SMC5: variants seen among roughly 807,000 people sequenced by gnomAD.
The protein encoded by SMC5 is structural maintenance of chromosomes protein 5.
In SMC5, 88 loss-of-function variants were observed where a neutral mutation model predicts 148.3. The ratio of observed to expected loss-of-function variants is 0.59; its 90% CI spans 0.50 to 0.71. SMC5 has a LOEUF of 0.71. Among genes scored for constraint, SMC5 ranks in the 30% least tolerant of loss-of-function variants. The probability of loss-of-function intolerance (pLI) is 0.00; values close to 1 mark genes in which losing one functional copy is unlikely to be tolerated. For missense variants in SMC5, 1,142 were observed against 1,298.9 expected (o/e 0.88, Z 1.86); for synonymous variants, 421 against 432.8 (o/e 0.97, Z 0.34).
intron 18 of SMC5, among the ~76,000 whole-genome samples, chr9:70,345,196 A>G (rs1224083073): frequency 6.6e-6 from 1 of 152,112 alleles, no homozygotes; most frequent in Non-Finnish European, 1.5e-5. Context: ...TTTCAGAAAA[A>G]GCATGATTCT....
intron 17 of SMC5, among the ~76,000 whole-genome samples, chr9:70,337,563 C>G (rs1239853261): frequency 2.7e-5 from 4 of 148,862 alleles, no homozygotes; most frequent in Middle Eastern, 3.3e-3. Flanking sequence ...TCAAGTGATT[C>G]TCCTGCCTCA....
chr9:70,278,736 T>C (rs2034666522), intron 5 of SMC5, 111 bp downstream of exon 5: 1 of 1,074,944 alleles, frequency 9.3e-7, no homozygotes, highest in Non-Finnish European at 1.3e-6. Context: ...TATTTGTGAT[T>C]TTTTTTCACT....
At chr9:70,298,331 C>T in intron 9 of SMC5, 110 bp downstream of exon 9, 1 of 1,187,362 alleles carries the variant, frequency 8.4e-7, no homozygotes. Context: ...AAGTTGCCTT[C>T]TTGAGGAAGC....
chr9:70,261,812 A>G (rs2034144931), intron 1 of SMC5, among the ~76,000 whole-genome samples: 1 of 152,244 alleles, frequency 6.6e-6, no homozygotes, highest in Non-Finnish European at 1.5e-5. Context: ...GGGAGGTAAG[A>G]TGAAAACAGT....
At chr9:70,352,137 A>G in intron 24 of SMC5, 54 bp from the exon 25 acceptor site, 1 of 1,465,380 alleles carries the variant, frequency 6.8e-7, no homozygotes, top group Non-Finnish European at 9.3e-7. Flanking sequence ...TAAGGTTGGA[A>G]AACTATACTT....
chr9:70,295,251 G>C (rs2035166391), intron 8 of SMC5, among the ~76,000 whole-genome samples: 1 of 151,794 alleles, frequency 6.6e-6, no homozygotes, highest in Non-Finnish European at 1.5e-5. Flanking sequence ...GGATCACGAG[G>C]TCAGGAGATC....
chr9:70,319,582 T>A (rs533363326), intron 15 of SMC5, among the ~76,000 whole-genome samples: 1 of 152,280 alleles, frequency 6.6e-6, no homozygotes, highest in East Asian at 1.9e-4. Context: ...TTTTAGACTT[T>A]TCAGGTAATT....
chr9:70,352,404 A>G lies in SMC5; in HGVS notation c.*73A>G. 4 of 1,403,678 alleles carry G rather than the reference A, an allele frequency of 2.8e-6. No individual in the cohort carries two copies. The highest frequency in any genetic ancestry group is 3.8e-6 in the Non-Finnish European group (4 of 1,043,800). 87.0% of individuals were successfully genotyped at this position (1,403,678 alleles called of 1,614,324 possible). ...TTATAAGTATGGCTCAACTGAATAA[A>G]AGGAGATTCACTAAAACGAAAAGCA... is the stretch of plus-strand genomic sequence containing the variant. On this transcript the variant is annotated 3_prime_UTR_variant, in exon 25 of 25. Transcript: ENST00000361138.
rs948731020 is a variant in SMC5 at position 70,354,642 on chromosome 9, C to G, written c.*2311C>G. ...CAAGCATTTTCTATGCCTAAATCTT[C>G]ATTGGTTTGCCTGGAAAGAGTCTCT... On this transcript the variant is annotated 3_prime_UTR_variant, in exon 25 of 25. Transcript: ENST00000361138. 1.3e-5 allele frequency: 2 copies of G among 152,188 alleles called. No individual in the cohort carries two copies. Among genetic ancestry groups the G allele is most frequent in the African/African-American group, 4.8e-5 (2 of 41,438 alleles). 9.4% of individuals were successfully genotyped at this position (152,188 alleles called of 1,614,324 possible). A position where few individuals can be genotyped will look rare whatever the true frequency, so the allele number is the denominator to read the frequency against.
At chr9:70,312,668 C>T (rs2035690346) in intron 11 of SMC5, among the ~76,000 whole-genome samples, 1 of 152,172 alleles carries the variant, frequency 6.6e-6, no homozygotes, top group Non-Finnish European at 1.5e-5. Flanking sequence ...CAGATGGTTT[C>T]CTGCATCTAC....
intron 17 of SMC5, among the ~76,000 whole-genome samples, chr9:70,340,904 G>T (rs1312718307): frequency 1.3e-5 from 2 of 152,054 alleles, no homozygotes; most frequent in East Asian, 1.9e-4. Context: ...TTTTTCTAGG[G>T]TATATAACTA....
At position 70,344,165 on chromosome 9, in the gene SMC5, G is replaced by GA; in HGVS notation, c.2423dup (p.Asn808LysfsTer2). 1 of 1,532,764 alleles carries GA rather than the reference G, an allele frequency of 6.5e-7. No homozygotes were observed. The highest frequency in any genetic ancestry group is 8.8e-7 in the Non-Finnish European group (1 of 1,138,964). The allele number at this position is 1,532,764 out of a possible 1,614,324, so 94.9% of individuals were successfully genotyped here. A position where few individuals can be genotyped will look rare whatever the true frequency, so the allele number is the denominator to read the frequency against. On this transcript the variant is annotated frameshift_variant, in exon 18 of 25. Transcript: ENST00000361138. LOFTEE classifies it high-confidence loss of function. ...ATAGCAACATTTCATTGAATTGGAT[G>GA]AAAATAGACAGAGATTATTGCAGAA...
intron 11 of SMC5, among the ~76,000 whole-genome samples, chr9:70,313,218 A>G (rs1373835975): frequency 6.6e-6 from 1 of 152,194 alleles, no homozygotes; most frequent in Non-Finnish European, 1.5e-5. Flanking sequence ...GGGATCTTCC[A>G]TCAGTAAGCC....
intron 7 of SMC5, among the ~76,000 whole-genome samples, chr9:70,285,945 A>G (rs759218277): frequency 4.6e-5 from 7 of 152,226 alleles, no homozygotes; most frequent in Non-Finnish European, 1.0e-4. Context: ...TTTTAGGATC[A>G]GATGAAATAA....
At chr9:70,337,844 A>T (rs1170370088) in intron 17 of SMC5, among the ~76,000 whole-genome samples, 1 of 105,928 alleles carries the variant, frequency 9.4e-6, no homozygotes, top group Non-Finnish European at 2.0e-5. Flanking sequence ...TAATCAGTGA[A>T]TTACTAATTT....
intron 11 of SMC5, 114 bp downstream of exon 11, chr9:70,305,474 C>A: frequency 3.2e-6 from 2 of 629,922 alleles, no homozygotes; most frequent in Non-Finnish European, 5.7e-6. Context: ...AGTTCACTCT[C>A]ATGCAAAATC....
At chr9:70,280,946 A>C (rs945453136) in intron 6 of SMC5, 47 bp downstream of exon 6, 1 of 1,600,664 alleles carries the variant, frequency 6.2e-7, no homozygotes. Context: ...TTTAAGTAGC[A>C]GAGTAATTAT....
chr9:70,321,479 A>C (rs1347377617), intron 15 of SMC5, among the ~76,000 whole-genome samples: 1 of 149,946 alleles, frequency 6.7e-6, no homozygotes, highest in African/African-American at 2.5e-5. Flanking sequence ...TACAGCTTTG[A>C]ACTCTTGGGC....
chr9:70,325,515 T>C (rs1037508248), intron 17 of SMC5, among the ~76,000 whole-genome samples: 2 of 152,182 alleles, frequency 1.3e-5, no homozygotes, highest in Admixed American at 6.6e-5. Flanking sequence ...GGCAACTTTA[T>C]AGACTTCAGA....
Sources: gnomAD v4.1 joint callset for allele counts (sites outside exome capture counted in the v4.1 genomes callset) on GRCh38, gnomAD v4.1.1 for gene constraint, MANE v1.5 for transcripts, NCBI Gene and HGNC (gene_info 2026-07-23, HGNC 2026-07-21) for gene names.